Variants in ADAMTS9 observed in about 807,000 individuals in gnomAD.
ADAMTS9 encodes ADAM metallopeptidase with thrombospondin type 1 motif 9.
ADAMTS9 carries 107 observed loss-of-function variants against 257.1 expected under a neutral mutation model. The observed-to-expected ratio is 0.42, with a 90% CI of 0.36 to 0.49. The LOEUF is 0.49. Ranked by LOEUF, ADAMTS9 falls within the 20% of genes least tolerant of loss-of-function variation. The pLI is 0.03. For synonymous variants in ADAMTS9, 982 were observed against 880.9 expected (o/e 1.11, Z -2.03); for missense variants, 2,353 against 2,469.1 (o/e 0.95, Z 1.00).
chr3:64,603,696 G>C (rs1266703886), intron 25 of ADAMTS9, among the ~76,000 whole-genome samples: 1 of 152,142 alleles, frequency 6.6e-6, no homozygotes, highest in African/African-American at 2.4e-5. Flanking sequence ...ACTGTAAACC[G>C]ATTTATCCAT....
At chr3:64,564,352 G>A (rs7625654) in intron 29 of ADAMTS9, among the ~76,000 whole-genome samples, 54,555 of 152,030 alleles carry the variant, frequency 0.36, 12,150 homozygotes, top group Non-Finnish European at 0.5. Context: ...AACTTTTGAT[G>A]TTTAGGGAAT....
intron 4 of ADAMTS9, 96 bp downstream of exon 4, chr3:64,658,406 C>A (rs1701137891): frequency 1.2e-5 from 16 of 1,291,946 alleles, no homozygotes; most frequent in Non-Finnish European, 1.7e-5. Context: ...GCTGAAATGC[C>A]AGTTCTGAAT....
Position 64,631,924 on chromosome 3 carries a change from T to A in ADAMTS9, c.2177A>T (p.Gln726Leu). ...GTTTAAAACATGATCGCATCCAGCT[T>A]GCTTTTAAAAAGAAAAGATTTGAAA... ...NDICVQGLCR[Q>L]AGCDHVLNSK... Residue 726 changes from glutamine (Q) to leucine (L), a missense_variant and splice_region_variant, in exon 15 of 40, where the codon CAA (glutamine) becomes CTA (leucine). By Grantham distance (113) the Gln-to-Leu change is moderately radical. Transcript: ENST00000498707. 1 of 1,610,274 alleles carries A rather than the reference T, an allele frequency of 6.2e-7. No homozygotes were observed. Among genetic ancestry groups the A allele is most frequent in the East Asian group, 2.2e-5 (1 of 44,838 alleles).
At position 64,562,620 on chromosome 3, in the gene ADAMTS9, AT is replaced by A. The variant is rs1024300433; in HGVS notation, c.4525-870del. Among the ~76,000 whole-genome samples, 32 of 152,350 alleles carry A rather than the reference AT, an allele frequency of 2.1e-4. No homozygotes were observed. In the East Asian group the frequency reaches 4.6e-3, roughly 22 times the overall value. On this transcript the variant is annotated intron_variant, in intron 29 of 39. Coordinates refer to ENST00000498707, the MANE Select transcript of ADAMTS9 (RefSeq NM_182920.2). ...CAACATTTGGAAAGAATGGTATATTATTACACTTAGCTATTAAAAATTATTT... is the reference window on the plus strand; with the variant it reads ...CAACATTTGGAAAGAATGGTATATTATACACTTAGCTATTAAAAATTATTT...
At chr3:64,648,652 T>C (rs150711010) in intron 10 of ADAMTS9, among the ~76,000 whole-genome samples, 142 of 152,314 alleles carry the variant, frequency 9.3e-4, no homozygotes, top group Non-Finnish European at 1.5e-3. Flanking sequence ...ATAGAAAAAG[T>C]TTCAAACTAC....
chr3:64,591,890 T>C (rs1384482668), intron 28 of ADAMTS9, among the ~76,000 whole-genome samples: 1 of 152,186 alleles, frequency 6.6e-6, no homozygotes, highest in Non-Finnish European at 1.5e-5. Context: ...GAAAGCAACA[T>C]GTTAGCACCT....
In ADAMTS9 at chr3:64,613,085, C is replaced by G. The variant is rs73832346; in HGVS notation, c.3354+260G>C. ...AATCTGTTGTGAATTTGTTCAAACACTCGTCTGCTCAAGCTAAAGGGCAAA... is the reference window on the plus strand; with the variant it reads ...AATCTGTTGTGAATTTGTTCAAACAGTCGTCTGCTCAAGCTAAAGGGCAAA... On this transcript the variant is annotated intron_variant, in intron 22 of 39. Coordinates refer to ENST00000498707, the MANE Select transcript of ADAMTS9 (RefSeq NM_182920.2). 7.1e-3 allele frequency among the ~76,000 whole-genome samples: 1,079 copies of G among 152,182 alleles called. 6 individuals are homozygous for G. The highest frequency in any genetic ancestry group is 0.025 in the African/African-American group (1,050 of 41,522).
rs1480517404 is a variant in ADAMTS9, at chr3:64,596,975, G to A, written c.4034C>T (p.Ala1345Val). Residue 1345 changes from alanine (A) to valine (V), a missense_variant, in exon 27 of 40, where the codon GCT (alanine) becomes GTT (valine). Ala to Val is a moderately conservative substitution (Grantham distance 64). This residue lies in a region of ADAMTS9 where 1,402 missense variants were observed against 1,441.4 expected (regional missense o/e 0.97). Coordinates refer to ENST00000498707, the MANE Select transcript of ADAMTS9 (RefSeq NM_182920.2). The part of the protein sequence containing the change: ...GPWGACSSTC[A>V]GGSQRRVVVC... ...AACAACACGCCGCTGGGATCCGCCA[G>A]CACAGGTACTGGAACACTAAACACA... is the stretch of plus-strand genomic sequence containing the variant. 3 of 1,613,694 alleles carry A rather than the reference G, an allele frequency of 1.9e-6. No homozygotes were observed. Among genetic ancestry groups the A allele is most frequent in the Admixed American group, 1.7e-5 (1 of 59,994 alleles).
At chr3:64,665,381 C>T (rs925372385) in intron 3 of ADAMTS9, among the ~76,000 whole-genome samples, 3 of 152,180 alleles carry the variant, frequency 2.0e-5, no homozygotes, top group Non-Finnish European at 4.4e-5. Context: ...CTGACTCCTG[C>T]TCACCCTCCG....
At chr3:64,536,245 C>T (rs908226125) in intron 37 of ADAMTS9, among the ~76,000 whole-genome samples, 9 of 152,314 alleles carry the variant, frequency 5.9e-5, no homozygotes, top group African/African-American at 1.7e-4. Context: ...CAGCAAATGT[C>T]CTAGCTGATT....
chr3:64,684,396 T>C (rs1701841105), intron 2 of ADAMTS9, among the ~76,000 whole-genome samples: 1 of 151,880 alleles, frequency 6.6e-6, no homozygotes, highest in Non-Finnish European at 1.5e-5. Flanking sequence ...GGTGGCAGGA[T>C]GGCACAGCCC....
intron 37 of ADAMTS9, among the ~76,000 whole-genome samples, chr3:64,535,607 G>A (rs1189233646): frequency 7.0e-6 from 1 of 142,904 alleles, no homozygotes; most frequent in Non-Finnish European, 1.5e-5. Flanking sequence ...AGGCTGGAGT[G>A]CAGTCGCATA....
At chr3:64,522,428 C>G (rs2082865388) in intron 38 of ADAMTS9, 168 bp from the exon 39 acceptor site, 1 of 509,910 alleles carries the variant, frequency 2.0e-6, no homozygotes, top group Non-Finnish European at 3.5e-6. Context: ...AAACTTCAGC[C>G]TGTGAGCCAA....
rs755480110 is a variant in ADAMTS9, at chr3:64,517,416, G to GTT, written c.*6-297_*6-296dup. ...CATCAAGCCCAGCTAATTAAAAATG[G>GTT]TTTTTTTTTTTTTTTTTTTTTTTGC... On this transcript the variant is annotated intron_variant, in intron 39 of 39. Transcript: ENST00000498707. 2.9e-3 allele frequency among the ~76,000 whole-genome samples: 151 copies of GTT among 52,648 alleles called. 32 individuals are homozygous for GTT. Among genetic ancestry groups the GTT allele is most frequent in the Non-Finnish European group, 4.5e-3 (117 of 26,232 alleles). 34.5% of individuals were successfully genotyped at this position (52,648 alleles called of 152,430 possible).
At chr3:64,622,660 T>C in intron 16 of ADAMTS9, 74 bp from the exon 17 acceptor site, 2 of 1,528,830 alleles carry the variant, frequency 1.3e-6, no homozygotes, top group South Asian at 1.2e-5. Flanking sequence ...AAGTAACATC[T>C]GGATAGGTAG....
intron 30 of ADAMTS9, among the ~76,000 whole-genome samples, chr3:64,552,279 A>ATTTGTTT (rs1318622026): frequency 1.3e-5 from 2 of 152,166 alleles, no homozygotes; most frequent in African/African-American, 4.8e-5. Context: ...GATAATCTCT[A>ATTTGTTT]TGTCCACAGA....
chr3:64,523,738 C>G (rs968071082), intron 38 of ADAMTS9, among the ~76,000 whole-genome samples: 1 of 152,116 alleles, frequency 6.6e-6, no homozygotes, highest in Non-Finnish European at 1.5e-5. Context: ...TACCCATCAT[C>G]CATTTTGTGA....
At position 64,582,049 on chromosome 3, in the gene ADAMTS9, C is replaced by G. The variant is rs2084017392; in HGVS notation, c.4356+12209G>C. On this transcript the variant is annotated intron_variant, in intron 28 of 39. Coordinates refer to ENST00000498707, the MANE Select transcript of ADAMTS9 (RefSeq NM_182920.2). The stretch of plus-strand genomic sequence containing the variant: ...ATTGAGATTGATTTTCCTTCTGGGA[C>G]CAAGACATATCATCTAAAATGTTTT... 2.6e-5 allele frequency among the ~76,000 whole-genome samples: 4 copies of G among 152,146 alleles called. No homozygotes were observed. In the South Asian group the frequency reaches 8.3e-4, roughly 32 times the overall value.
chr3:64,623,986 G>A (rs1700168000), intron 16 of ADAMTS9, among the ~76,000 whole-genome samples: 1 of 151,696 alleles, frequency 6.6e-6, no homozygotes, highest in Non-Finnish European at 1.5e-5. Flanking sequence ...TGAGAACCTG[G>A]CAGAGTTAGA....
Sources: gnomAD v4.1 joint callset for allele counts (sites outside exome capture counted in the v4.1 genomes callset) on GRCh38, gnomAD v4.1.1 for gene constraint, gnomAD v4.1.1 regional missense constraint, MANE v1.5 for transcripts, NCBI Gene and HGNC (gene_info 2026-07-23, HGNC 2026-07-21) for gene names.